Variants in CA13 observed in about 807,000 individuals in gnomAD.
The protein encoded by CA13 is carbonic anhydrase 13, also known as CA-XIII.
In CA13, 21 loss-of-function variants were observed where a neutral mutation model predicts 31.5. The observed-to-expected ratio is 0.67, with a 90% CI of 0.47 to 0.96. The LOEUF is 0.96. CA13 is among the 40% of genes least tolerant of loss of function. The probability of loss-of-function intolerance (pLI) is 0.00; values close to 1 mark genes in which losing one functional copy is unlikely to be tolerated. For synonymous variants in CA13, 117 were observed against 111.4 expected (o/e 1.05, Z -0.32); for missense variants, 315 against 318.9 (o/e 0.99, Z 0.09).
Position 85,266,621 on chromosome 8 carries a change from A to G in CA13, c.368A>G (p.His123Arg). Reference sequence around the variant, plus strand: ...TCTCCCTTTCAGCTCCATGTTGTTCACTGGAATTCAGACAAATACCCCAGC... The same window carrying G: ...TCTCCCTTTCAGCTCCATGTTGTTCGCTGGAATTCAGACAAATACCCCAGC... The part of the protein sequence containing the change: ...VSYAAELHVV[H>R]WNSDKYPSFV... The change falls in exon 4 of 7, where the codon CAC becomes CGC. Residue 123 changes from histidine to arginine, a missense_variant. Transcript: ENST00000321764. The G allele has an allele frequency of 6.2e-7, 1 of 1,613,608 alleles. No individual in the cohort carries two copies. Among genetic ancestry groups the G allele is most frequent in the Non-Finnish European group, 8.5e-7 (1 of 1,179,608 alleles).
rs190880819 is a variant in CA13, at chr8:85,275,465, T to G, written c.670-5765T>G. On this transcript the variant is annotated intron_variant, in intron 6 of 6. Transcript: ENST00000321764. ...CGGGCTCCCCTGCATACCTGGCAAT[T>G]GGACACATTCATGGTAAGGGCGATG... is the stretch of plus-strand genomic sequence containing the variant. Among the ~76,000 whole-genome samples the G allele has an allele frequency of 1.6e-3, 238 of 152,254 alleles. 2 individuals are homozygous for G. The highest frequency in any genetic ancestry group is 5.6e-3 in the African/African-American group (232 of 41,542).
At chr8:85,276,167 G>A (rs892145564) in intron 6 of CA13, among the ~76,000 whole-genome samples, 2 of 152,152 alleles carry the variant, frequency 1.3e-5, no homozygotes, top group African/African-American at 4.8e-5. Context: ...GCGGCGGGCC[G>A]GCCCCGCGGA....
intron 5 of CA13, among the ~76,000 whole-genome samples, 159 bp downstream of exon 5, chr8:85,268,123 G>T (rs992084562): frequency 2.0e-5 from 3 of 152,136 alleles, no homozygotes; most frequent in Non-Finnish European, 4.4e-5. Context: ...TCTTTTGAAT[G>T]TAAAGGTCTT....
At chr8:85,269,250 G>A (rs942735181) in intron 6 of CA13, among the ~76,000 whole-genome samples, 8 of 152,272 alleles carry the variant, frequency 5.3e-5, no homozygotes, top group African/African-American at 1.7e-4. Context: ...CCTGGAGTTG[G>A]AGACCAGCCT....
At chr8:85,249,788 A>C (rs750199337) in intron 1 of CA13, 69 of 444,080 alleles carry the variant, frequency 1.6e-4, no homozygotes, top group Non-Finnish European at 2.9e-4. Context: ...ATAACCTATA[A>C]AGTGACTCAC....
intron 6 of CA13, among the ~76,000 whole-genome samples, chr8:85,272,679 T>C (rs1397363756): frequency 6.6e-6 from 1 of 152,240 alleles, no homozygotes; most frequent in African/African-American, 2.4e-5. Flanking sequence ...TTATGAATAA[T>C]AGCAATCCAT....
chr8:85,263,886 G>A (rs1276022815), intron 3 of CA13, among the ~76,000 whole-genome samples: 4 of 152,162 alleles, frequency 2.6e-5, no homozygotes, highest in Admixed American at 2.6e-4. Flanking sequence ...GCTCAGCTCC[G>A]TGATTCCAAG....
intron 6 of CA13, 95 bp from the exon 7 acceptor site, chr8:85,281,135 G>T: frequency 2.1e-6 from 3 of 1,416,516 alleles, no homozygotes; most frequent in Admixed American, 2.2e-5. Context: ...AGTATTTTTT[G>T]TTCCTGGTTA....
At chr8:85,249,200 A>G (rs547911752) in intron 1 of CA13, among the ~76,000 whole-genome samples, 2 of 152,320 alleles carry the variant, frequency 1.3e-5, no homozygotes, top group African/African-American at 4.8e-5. Flanking sequence ...AGTAAGCAGT[A>G]TCAGATTTAG....
At chr8:85,271,072 G>A (rs987688161) in intron 6 of CA13, among the ~76,000 whole-genome samples, 7 of 152,112 alleles carry the variant, frequency 4.6e-5, no homozygotes, top group African/African-American at 1.7e-4. Context: ...AGTTATTTGA[G>A]TAACAATTCA....
Position 85,283,879 on chromosome 8 carries a change from T to C in CA13, c.*2530T>C, listed in dbSNP as rs1481668369. The stretch of plus-strand genomic sequence containing the variant: ...CTTGAATATTGTGTGTTAATTGATA[T>C]ATCTTCTAGAGGCAAAAGGTTTAAA... On this transcript the variant is annotated 3_prime_UTR_variant, in exon 7 of 7. Coordinates refer to ENST00000321764, the MANE Select transcript of CA13 (RefSeq NM_198584.3). The C allele has an allele frequency of 2.6e-5, 4 of 152,268 alleles. No individual in the cohort carries two copies. The highest frequency in any genetic ancestry group is 5.9e-5 in the Non-Finnish European group (4 of 68,044). 9.4% of individuals were successfully genotyped at this position (152,268 alleles called of 1,614,324 possible).
In CA13 at chr8:85,259,432, G is replaced by A. The variant is rs571987166; in HGVS notation, c.247G>A (p.Gly83Ser). 2.1e-4 allele frequency: 338 copies of A among 1,613,514 alleles called. No homozygotes were observed. The highest frequency in any genetic ancestry group is 2.7e-4 in the Non-Finnish European group (319 of 1,179,708). Residue 83 changes from glycine to serine, a missense_variant, in exon 3 of 7, where the codon GGT (glycine) becomes AGT (serine). Transcript: ENST00000321764. ...ATGTTGTTGTTTAGTTCTGCGTGGT[G>A]GTCCTCTCACTGGAAGCTACAGGTT... is the stretch of plus-strand genomic sequence containing the variant. ...DTENKSVLRG[G>S]PLTGSYRLRQ...
intron 6 of CA13, among the ~76,000 whole-genome samples, chr8:85,271,615 A>G (rs1404863706): frequency 6.6e-6 from 1 of 152,204 alleles, no homozygotes; most frequent in Non-Finnish European, 1.5e-5. Flanking sequence ...CTTAGCTGAA[A>G]TTCAATGTGC....
Position 85,268,605 on chromosome 8 carries a change from C to T in CA13, c.647C>T (p.Pro216Leu), listed in dbSNP as rs761552959. Reference sequence around the variant, plus strand: ...GTCACATGGATTGTTTTAAAGCAACCTATAAACATCAGCTCTCAACAGGTA... The same window carrying T: ...GTCACATGGATTGTTTTAAAGCAACTTATAAACATCAGCTCTCAACAGGTA... The part of the protein sequence containing the change: ...ESVTWIVLKQ[P>L]INISSQQLAK... The change falls in exon 6 of 7, where the codon CCT (proline) becomes CTT (leucine). Residue 216 changes from proline (P) to leucine (L), a missense_variant. Transcript: ENST00000321764. 1.9e-6 allele frequency: 3 copies of T among 1,613,662 alleles called. No individual in the cohort carries two copies. Among genetic ancestry groups the T allele is most frequent in the Admixed American group, 3.3e-5 (2 of 59,990 alleles).
chr8:85,256,065 G>C lies in CA13; in HGVS notation c.236-3356G>C, dbSNP rs995996710. ...AAAAAAAAAACTTGTATGACGGAAA[G>C]ACATGGAAAATACCATGACATAGCA... On this transcript the variant is annotated intron_variant, in intron 2 of 6. Transcript: ENST00000321764. Among the ~76,000 whole-genome samples, 7 of 150,276 alleles carry C rather than the reference G, an allele frequency of 4.7e-5. No homozygotes were observed. In the East Asian group the frequency reaches 1.4e-3, roughly 29 times the overall value.
Position 85,250,912 on chromosome 8 carries a change from C to A in CA13, c.210C>A (p.Asp70Glu). 6.2e-7 allele frequency: 1 copy of A among 1,613,462 alleles called. No homozygotes were observed. The highest frequency in any genetic ancestry group is 8.5e-7 in the Non-Finnish European group (1 of 1,179,862). Reference protein sequence around the residue: ...ISNSGHSFNVDFDDTENKSVL... With the variant: ...ISNSGHSFNVEFDDTENKSVL... Reference sequence around the variant, plus strand: ...ACAGCGGCCATTCCTTCAATGTTGACTTTGATGACACAGAGAACAAATCAG... The same window carrying A: ...ACAGCGGCCATTCCTTCAATGTTGAATTTGATGACACAGAGAACAAATCAG... Residue 70 changes from aspartate (D) to glutamate (E), a missense_variant, in exon 2 of 7, where the codon GAC (aspartate) becomes GAA (glutamate). Transcript: ENST00000321764.
Position 85,245,561 on chromosome 8 carries a change from C to CCT in CA13, c.-265_-264dup, listed in dbSNP as rs1429925060. 2 of 497,372 alleles carry CCT rather than the reference C, an allele frequency of 4.0e-6. No homozygotes were observed. Among genetic ancestry groups the CCT allele is most frequent in the Non-Finnish European group, 7.1e-6 (2 of 281,246 alleles). 30.8% of individuals were successfully genotyped at this position (497,372 alleles called of 1,614,324 possible). A position where few individuals can be genotyped will look rare whatever the true frequency, so the allele number is the denominator to read the frequency against. ...GGAAACCTTTCTCTCTCCGTCTCTC[C>CCT]CTCTAACTCAAATCTCTCATTCCCG... On this transcript the variant is annotated 5_prime_UTR_variant, in exon 1 of 7. Coordinates refer to ENST00000321764, the MANE Select transcript of CA13 (RefSeq NM_198584.3).
At chr8:85,278,749 A>T (rs1048659749) in intron 6 of CA13, among the ~76,000 whole-genome samples, 2 of 152,318 alleles carry the variant, frequency 1.3e-5, no homozygotes, top group East Asian at 3.9e-4. Context: ...ACCTTTGTGT[A>T]CTTTTGAACA....
chr8:85,264,940 GCA>G (rs1267312192), intron 3 of CA13, among the ~76,000 whole-genome samples: 2 of 152,098 alleles, frequency 1.3e-5, no homozygotes, highest in Admixed American at 6.6e-5. Context: ...CTTTTATATT[GCA>G]CAGTCTTCCT....
Sources: gnomAD v4.1 joint callset for allele counts (sites outside exome capture counted in the v4.1 genomes callset) on GRCh38, gnomAD v4.1.1 for gene constraint, MANE v1.5 for transcripts, NCBI Gene and HGNC (gene_info 2026-07-23, HGNC 2026-07-21) for gene names.